The following PIK3R5 variants were observed in gnomAD, a reference collection of about 807,000 sequenced individuals.
PIK3R5 encodes phosphoinositide-3-kinase regulatory subunit 5.
A neutral mutation model predicts 94.9 loss-of-function variants in PIK3R5; 32 were observed. That is an observed-to-expected ratio of 0.34 (90% CI 0.25 to 0.45). The LOEUF (loss-of-function observed/expected upper bound fraction) is 0.45, where lower values mean the gene tolerates loss of function less well. PIK3R5 is among the 20% of genes least tolerant of loss of function. The pLI, the probability that PIK3R5 is intolerant of heterozygous loss-of-function variation, is 1.00. For missense variants in PIK3R5, 853 were observed against 1,144.6 expected (o/e 0.75, Z 3.68); for synonymous variants, 443 against 479.4 (o/e 0.92, Z 0.99).
chr17:8,908,867 G>A (rs1264421167), intron 3 of PIK3R5, among the ~76,000 whole-genome samples: 2 of 152,142 alleles, frequency 1.3e-5, no homozygotes, highest in East Asian at 1.9e-4. Flanking sequence ...CCTAGCTCGC[G>A]TATGATGTGT....
intron 1 of PIK3R5, among the ~76,000 whole-genome samples, chr17:8,914,116 A>C (rs567093076): frequency 1.3e-5 from 2 of 152,322 alleles, no homozygotes; most frequent in African/African-American, 4.8e-5. Context: ...AGCCTGGGGC[A>C]TGAACAGCTG....
At chr17:8,897,929 ATGTGTGTGTGTGTGG>A (rs2090188159) in intron 5 of PIK3R5, among the ~76,000 whole-genome samples, 1 of 151,386 alleles carries the variant, frequency 6.6e-6, no homozygotes, top group African/African-American at 2.4e-5. Context: ...GTGTGTGTGT[ATGTGTGTGTGTGTGG>A]TGTGTGTGTC....
At chr17:8,899,571 A>T (rs774475022) in intron 5 of PIK3R5, among the ~76,000 whole-genome samples, 1 of 152,226 alleles carries the variant, frequency 6.6e-6, no homozygotes, top group Non-Finnish European at 1.5e-5. Flanking sequence ...GCCCACAGTT[A>T]GTAAGTAGCA....
At chr17:8,897,929 A>ATG (rs35726243) in intron 5 of PIK3R5, among the ~76,000 whole-genome samples, 22,440 of 151,460 alleles carry the variant, frequency 0.15, 2,104 homozygotes, top group Non-Finnish European at 0.22. Context: ...GTGTGTGTGT[A>ATG]TGTGTGTGTG....
At chr17:8,898,398 C>T (rs2090199741) in intron 5 of PIK3R5, among the ~76,000 whole-genome samples, 1 of 152,212 alleles carries the variant, frequency 6.6e-6, no homozygotes, top group Admixed American at 6.5e-5. Context: ...TATAAAAAGA[C>T]AGCCTGGGCA....
rs1168113436 is a variant in PIK3R5, at chr17:8,888,047, TAA to T, written c.1616+122_1616+123del. 91 of 304,514 alleles carry T rather than the reference TAA, an allele frequency of 3.0e-4. No homozygotes were observed. The highest frequency in any genetic ancestry group is 1.2e-3 in the African/African-American group (48 of 41,328). The allele number at this position is 304,514 out of a possible 1,614,324, so 18.9% of individuals were successfully genotyped here. ...ATAATAATAATAATAATAATAATAA[TAA>T]AATAAAAATAAATAAGGGAACTTTT... is the stretch of plus-strand genomic sequence containing the variant. On this transcript the variant is annotated intron_variant, in intron 10 of 18. Coordinates refer to ENST00000447110, the MANE Select transcript of PIK3R5 (RefSeq NM_001142633.3). The surrounding 1 kb of genome is among the most constrained non-coding windows in gnomAD (Gnocchi z 7.8).
At chr17:8,959,109 T>G (rs2151482582) in intron 1 of PIK3R5, among the ~76,000 whole-genome samples, 1 of 152,258 alleles carries the variant, frequency 6.6e-6, no homozygotes, top group East Asian at 1.9e-4. Context: ...CAAAACTTGG[T>G]GAGAAATCCA....
In PIK3R5 at chr17:8,888,031, A is replaced by ATAG. The variant is rs2089918630; in HGVS notation, c.1616+139_1616+140insCTA. 1 of 220,582 alleles carries ATAG rather than the reference A, an allele frequency of 4.5e-6. No individual in the cohort carries two copies. The highest frequency in any genetic ancestry group is 8.3e-6 in the Non-Finnish European group (1 of 120,452). The allele number at this position is 220,582 out of a possible 1,614,324, so 13.7% of individuals were successfully genotyped here. ...AATAATAATAATAATAATAATAATA[A>ATAG]TAATAATAATAATAATAAAATAAAA... is the stretch of plus-strand genomic sequence containing the variant. On this transcript the variant is annotated intron_variant, in intron 10 of 18. Transcript: ENST00000447110. This position sits in a 1 kb window ranked among gnomAD's most constrained non-coding sequence, Gnocchi z 7.8.
Position 8,896,952 on chromosome 17 carries a change from T to C in PIK3R5, c.413-3297A>G, listed in dbSNP as rs1275305859. The stretch of plus-strand genomic sequence containing the variant: ...AGATCAGGTTTGGTTCTCCAGCAAC[T>C]ATGATTAATATCAACTCATGGTGGA... On this transcript the variant is annotated intron_variant, in intron 5 of 18. Coordinates refer to ENST00000447110, the MANE Select transcript of PIK3R5 (RefSeq NM_001142633.3). This position sits in a 1 kb window ranked among gnomAD's most constrained non-coding sequence, Gnocchi z 4.0. Among the ~76,000 whole-genome samples, 2 of 152,222 alleles carry C rather than the reference T, an allele frequency of 1.3e-5. No homozygotes were observed. The highest frequency in any genetic ancestry group is 2.9e-5 in the Non-Finnish European group (2 of 68,032).
At chr17:8,916,492 C>G (rs980067165) in intron 1 of PIK3R5, 1 of 149,896 alleles carries the variant, frequency 6.7e-6, no homozygotes, top group African/African-American at 2.5e-5. Flanking sequence ...CGCCCCCCCG[C>G]CCCCGCCACC....
intron 1 of PIK3R5, among the ~76,000 whole-genome samples, chr17:8,918,505 A>G (rs994877599): frequency 6.6e-6 from 1 of 152,254 alleles, no homozygotes; most frequent in Non-Finnish European, 1.5e-5. Flanking sequence ...ATTAAATGTT[A>G]TAGATAATTG....
At chr17:8,907,007 A>G (rs2090410334) in intron 3 of PIK3R5, among the ~76,000 whole-genome samples, 1 of 152,124 alleles carries the variant, frequency 6.6e-6, no homozygotes, top group African/African-American at 2.4e-5. Flanking sequence ...TCCTTCTGGT[A>G]GACCTCCATA....
intron 1 of PIK3R5, among the ~76,000 whole-genome samples, chr17:8,965,243 G>T (rs1234950411): frequency 6.6e-6 from 1 of 152,238 alleles, no homozygotes; most frequent in Non-Finnish European, 1.5e-5. Context: ...ACAGTTCCCC[G>T]CTGGAGCGGG....
rs763914210 is a variant in PIK3R5, at chr17:8,911,341, CCT to C, written c.103+49_103+50del. 2 of 1,432,914 alleles carry C rather than the reference CCT, an allele frequency of 1.4e-6. No homozygotes were observed. Among genetic ancestry groups the C allele is most frequent in the South Asian group, 2.3e-5 (2 of 87,502 alleles). The allele number at this position is 1,432,914 out of a possible 1,614,324, so 88.8% of individuals were successfully genotyped here. On this transcript the variant is annotated intron_variant, in intron 2 of 18. Transcript: ENST00000447110. The surrounding 1 kb of genome is among the most constrained non-coding windows in gnomAD (Gnocchi z 5.3). Reference sequence around the variant, plus strand: ...GCCTGGTCCAGTGCCCACCGTGGCCCCTGAGGCTTCCTTGAGCCCTCAAACAC... The same window carrying C: ...GCCTGGTCCAGTGCCCACCGTGGCCCGAGGCTTCCTTGAGCCCTCAAACAC...
rs749753138 is a variant in PIK3R5 at position 8,888,915 on chromosome 17, TGTCTGGGC to T, written c.896-32_896-25del. 5 of 1,574,944 alleles carry T rather than the reference TGTCTGGGC, an allele frequency of 3.2e-6. No homozygotes were observed. In the East Asian group the frequency reaches 9.0e-5, roughly 28 times the overall value. On this transcript the variant is annotated intron_variant, in intron 9 of 18. Coordinates refer to ENST00000447110, the MANE Select transcript of PIK3R5 (RefSeq NM_001142633.3). This position sits in a 1 kb window ranked among gnomAD's most constrained non-coding sequence, Gnocchi z 7.8. Reference sequence around the variant, plus strand: ...GTCTGCAGGGAAGCAAGGCCAGCACTGTCTGGGCGTCTGGGCCCCGGATCCCCTTCTAT... The same window carrying T: ...GTCTGCAGGGAAGCAAGGCCAGCACTGTCTGGGCCCCGGATCCCCTTCTAT...
intron 1 of PIK3R5, among the ~76,000 whole-genome samples, chr17:8,939,275 A>G (rs1366134741): frequency 1.3e-5 from 2 of 152,160 alleles, no homozygotes; most frequent in African/African-American, 4.8e-5. Flanking sequence ...TTCTCTACCC[A>G]ATTGCTCCAG....
intron 12 of PIK3R5, 152 bp from the exon 13 acceptor site, chr17:8,886,757 G>A (rs11078770): frequency 0.26 from 236,333 of 906,556 alleles, 34,501 homozygotes; most frequent in Non-Finnish European, 0.3. Flanking sequence ...GGGGAGGGCC[G>A]GTGCCCAGCC....
At chr17:8,958,656 G>T (rs557196538) in intron 1 of PIK3R5, among the ~76,000 whole-genome samples, 1 of 152,242 alleles carries the variant, frequency 6.6e-6, no homozygotes, top group East Asian at 1.9e-4. Flanking sequence ...AACTTGGGAG[G>T]TTGCAGACTT....
intron 3 of PIK3R5, among the ~76,000 whole-genome samples, chr17:8,908,014 C>T (rs538416184): frequency 2.6e-4 from 39 of 152,154 alleles, no homozygotes; most frequent in African/African-American, 9.2e-4. Context: ...ATTTTAGTAT[C>T]GCTTTTTCAT....
Sources: allele counts gnomAD v4.1 joint callset (sites outside exome capture counted in the v4.1 genomes callset), GRCh38; gene constraint gnomAD v4.1.1; non-coding constraint Gnocchi (gnomAD v3.1); transcripts MANE v1.5; gene names NCBI Gene and HGNC (gene_info 2026-07-23, HGNC 2026-07-21).